Variants in GALNT13 observed in about 807,000 individuals in gnomAD.
GALNT13 encodes the protein polypeptide N-acetylgalactosaminyltransferase 13.
GALNT13 carries 28 observed loss-of-function variants against 64.2 expected under a neutral mutation model. The observed-to-expected ratio is 0.44, with a 90% CI of 0.32 to 0.60. The LOEUF is 0.60. Among genes scored for constraint, GALNT13 ranks in the 20% least tolerant of loss-of-function variants. The pLI, the probability that GALNT13 is intolerant of heterozygous loss-of-function variation, is 0.05. For synonymous variants in GALNT13, 214 were observed against 224.6 expected, an observed-to-expected ratio of 0.95 and a Z score of 0.42; for missense variants, 577 against 669.8, an observed-to-expected ratio of 0.86 and a Z score of 1.53.
At chr2:153,704,014 GT>G in the GALNT13 span, among the ~76,000 whole-genome samples, 2 of 151,920 alleles carry the variant, frequency 1.3e-5, no homozygotes, top group Non-Finnish European at 2.9e-5. Context: ...TATATTTCCA[GT>G]TCCACAAATG....
intron 9 of GALNT13, among the ~76,000 whole-genome samples, chr2:154,305,485 T>C (rs961737805): frequency 7.2e-5 from 11 of 152,166 alleles, no homozygotes; most frequent in African/African-American, 2.4e-4. Flanking sequence ...GTGAAATAAA[T>C]AATACTTGTT....
At chr2:154,400,276 T>A (rs894308257) in intron 10 of GALNT13, among the ~76,000 whole-genome samples, 1 of 152,184 alleles carries the variant, frequency 6.6e-6, no homozygotes, top group Non-Finnish European at 1.5e-5. Flanking sequence ...CAAAGCAATA[T>A]CAGGTGTTCA....
chr2:154,177,504 C>T (rs1685716672), intron 4 of GALNT13, among the ~76,000 whole-genome samples: 1 of 151,906 alleles, frequency 6.6e-6, no homozygotes. Context: ...ATGGTGAATC[C>T]ATACATTTGC....
chr2:153,836,030 A>G, the GALNT13 span, among the ~76,000 whole-genome samples: 2 of 152,020 alleles, frequency 1.3e-5, no homozygotes, highest in Non-Finnish European at 2.9e-5. Context: ...CCCCTGATCT[A>G]TGGTTAAGAT....
At chr2:153,415,706 T>A in the GALNT13 span, among the ~76,000 whole-genome samples, 1 of 152,110 alleles carries the variant, frequency 6.6e-6, no homozygotes, top group African/African-American at 2.4e-5. Flanking sequence ...TCAGTTTTGC[T>A]AAAATGGACT....
chr2:153,262,778 C>G, the GALNT13 span, among the ~76,000 whole-genome samples: 1 of 152,082 alleles, frequency 6.6e-6, no homozygotes, highest in African/African-American at 2.4e-5. Flanking sequence ...TCTCAATAAA[C>G]TAGGTATTAA....
chr2:153,893,994 A>T (rs1316837713), intron 1 of GALNT13, among the ~76,000 whole-genome samples: 2 of 152,116 alleles, frequency 1.3e-5, no homozygotes, highest in East Asian at 3.9e-4. Flanking sequence ...TTTACTGGGA[A>T]TGGAGTGCAG....
At chr2:153,431,771 T>G in the GALNT13 span, among the ~76,000 whole-genome samples, 1 of 152,188 alleles carries the variant, frequency 6.6e-6, no homozygotes. Flanking sequence ...TTTAAACATC[T>G]AATATATTTC....
At chr2:153,760,982 C>T in the GALNT13 span, among the ~76,000 whole-genome samples, 3 of 152,056 alleles carry the variant, frequency 2.0e-5, no homozygotes, top group Admixed American at 1.3e-4. Flanking sequence ...TATGTAATAA[C>T]CTTCTTTATC....
chr2:153,552,255 C>A, the GALNT13 span, among the ~76,000 whole-genome samples: 1 of 152,134 alleles, frequency 6.6e-6, no homozygotes, highest in Non-Finnish European at 1.5e-5. Flanking sequence ...TGAGACAACT[C>A]TTCTGAGGAG....
the GALNT13 span, among the ~76,000 whole-genome samples, chr2:153,076,199 G>A: frequency 6.6e-6 from 1 of 152,078 alleles, no homozygotes; most frequent in South Asian, 2.1e-4. Context: ...TCTCTAGGGG[G>A]ATTTATATAC....
intron 3 of GALNT13, among the ~76,000 whole-genome samples, chr2:154,071,631 T>C (rs1700745728): frequency 6.6e-6 from 1 of 152,168 alleles, no homozygotes; most frequent in Admixed American, 6.6e-5. Flanking sequence ...CCAATACTCA[T>C]GGTGTGTTTG....
the GALNT13 span, among the ~76,000 whole-genome samples, chr2:153,229,991 ATTAGAAAGCT>A: frequency 1.4e-4 from 21 of 152,322 alleles, 1 homozygote; most frequent in South Asian, 4.3e-3. Flanking sequence ...TTCTGAGGTT[ATTAGAAAGCT>A]TTGGATTCTG....
chr2:153,317,054 A>G, the GALNT13 span, among the ~76,000 whole-genome samples: 1 of 152,102 alleles, frequency 6.6e-6, no homozygotes, highest in Non-Finnish European at 1.5e-5. Flanking sequence ...TTTTTTGCCT[A>G]CCTACATATA....
At chr2:154,166,971 C>A (rs1465447718) in intron 4 of GALNT13, among the ~76,000 whole-genome samples, 2 of 149,078 alleles carry the variant, frequency 1.3e-5, no homozygotes, top group African/African-American at 2.5e-5. Flanking sequence ...ACACCGGGGC[C>A]TGTTGTGGGG....
chr2:153,274,461 A>G, the GALNT13 span, among the ~76,000 whole-genome samples: 1 of 152,272 alleles, frequency 6.6e-6, no homozygotes, highest in East Asian at 1.9e-4. Flanking sequence ...TACAAAGGAG[A>G]AGGAGATACT....
chr2:153,393,734 C>G, the GALNT13 span, among the ~76,000 whole-genome samples: 1 of 151,944 alleles, frequency 6.6e-6, no homozygotes, highest in Non-Finnish European at 1.5e-5. Flanking sequence ...TGGGCCTTAT[C>G]TAATCAGTTG....
At chr2:153,412,174 C>T in the GALNT13 span, among the ~76,000 whole-genome samples, 3 of 151,194 alleles carry the variant, frequency 2.0e-5, no homozygotes, top group African/African-American at 7.4e-5. Flanking sequence ...TATTGTGAGA[C>T]CTATATCTAT....
chr2:154,124,253 A>G (rs1682126364), intron 3 of GALNT13, among the ~76,000 whole-genome samples: 1 of 131,064 alleles, frequency 7.6e-6, no homozygotes, highest in Admixed American at 7.4e-5. Flanking sequence ...ATGTGATTAA[A>G]AAAAGAAGTT....
Sources: allele counts gnomAD v4.1 joint callset (sites outside exome capture counted in the v4.1 genomes callset), GRCh38; gene constraint gnomAD v4.1.1; transcripts MANE v1.5; gene names NCBI Gene and HGNC (gene_info 2026-07-23, HGNC 2026-07-21).